FIP1L1: variants seen among roughly 807,000 people sequenced by gnomAD.
FIP1L1 encodes factor interacting with PAPOLA and CPSF1.
Under a neutral mutation model 84.6 loss-of-function variants are expected in FIP1L1, and 21 were observed. The observed-to-expected ratio is 0.25, with a 90% CI of 0.18 to 0.36. The LOEUF is 0.36. Among genes scored for constraint, FIP1L1 ranks in the 10% least tolerant of loss-of-function variants. The probability of loss-of-function intolerance (pLI) is 1.00; values close to 1 mark genes in which losing one functional copy is unlikely to be tolerated. For missense variants in FIP1L1, 526 were observed against 751.1 expected (o/e 0.70, Z 3.50); for synonymous variants, 263 against 242.3 (o/e 1.09, Z -0.80).
At position 53,412,056 on chromosome 4, in the gene FIP1L1, A is replaced by T. The variant is rs561484257; in HGVS notation, c.816-2559A>T. Among the ~76,000 whole-genome samples, 7 of 152,238 alleles carry T rather than the reference A, an allele frequency of 4.6e-5. No homozygotes were observed. In the East Asian group the frequency reaches 1.3e-3, roughly 29 times the overall value. ...TTGAAAAAAATAAAGTTTTATTTTG[A>T]AAAAAATTTAAACTTACAAAGAATT... On this transcript the variant is annotated intron_variant, in intron 10 of 17. Transcript: ENST00000337488.
At chr4:53,457,470 T>C (rs1412012323) in intron 16 of FIP1L1, among the ~76,000 whole-genome samples, 3 of 152,178 alleles carry the variant, frequency 2.0e-5, no homozygotes, top group Non-Finnish European at 4.4e-5. Flanking sequence ...TCTAAAATTT[T>C]AATGTATCAC....
intron 13 of FIP1L1, among the ~76,000 whole-genome samples, chr4:53,432,480 TATTTC>T (rs1469412451): frequency 6.6e-6 from 1 of 152,010 alleles, no homozygotes; most frequent in Non-Finnish European, 1.5e-5. Flanking sequence ...GAAAATCTGT[TATTTC>T]ATTTTCTCGT....
chr4:53,444,726 C>A (rs909178099), intron 15 of FIP1L1, among the ~76,000 whole-genome samples: 2 of 152,032 alleles, frequency 1.3e-5, no homozygotes, highest in African/African-American at 4.8e-5. Flanking sequence ...GGACTACAGG[C>A]GTGCATCACC....
intron 5 of FIP1L1, 26 bp from the exon 6 acceptor site, chr4:53,389,783 G>C: frequency 2.6e-6 from 4 of 1,528,070 alleles, no homozygotes; most frequent in Non-Finnish European, 3.6e-6. Context: ...GATAATTTCT[G>C]TTTTTTTTTG....
intron 15 of FIP1L1, among the ~76,000 whole-genome samples, chr4:53,450,963 CTTTTTT>C (rs869294352): frequency 1.4e-5 from 2 of 138,192 alleles, no homozygotes; most frequent in African/African-American, 5.3e-5. Flanking sequence ...TAAAGCTACT[CTTTTTT>C]TTTTTTTTTT....
intron 9 of FIP1L1, among the ~76,000 whole-genome samples, chr4:53,398,658 A>C (rs1748665734): frequency 6.6e-6 from 1 of 152,188 alleles, no homozygotes; most frequent in Non-Finnish European, 1.5e-5. Flanking sequence ...AGGAAACTTG[A>C]ATTTGTTTAA....
chr4:53,433,389 T>G (rs1483136965), intron 13 of FIP1L1, among the ~76,000 whole-genome samples: 1 of 152,208 alleles, frequency 6.6e-6, no homozygotes, highest in Non-Finnish European at 1.5e-5. Flanking sequence ...CATTTGTCTA[T>G]CTGTGTCTGA....
At position 53,447,300 on chromosome 4, in the gene FIP1L1, A is replaced by G. The variant is rs561093339; in HGVS notation, c.1285+3197A>G. Among the ~76,000 whole-genome samples, 38 of 151,910 alleles carry G rather than the reference A, an allele frequency of 2.5e-4. 3 individuals carry two copies. The highest frequency in any genetic ancestry group is 1.6e-3 in the Admixed American group (24 of 15,262). On this transcript the variant is annotated intron_variant, in intron 15 of 17. Transcript: ENST00000337488. Reference sequence around the variant, plus strand: ...CTCCCACCAATAAAATTATATTACTATTTTTGCTCCTCTTCTCATTTATAT... The same window carrying G: ...CTCCCACCAATAAAATTATATTACTGTTTTTGCTCCTCTTCTCATTTATAT...
chr4:53,444,627 G>A lies in FIP1L1; in HGVS notation c.1285+524G>A, dbSNP rs1579068019. On this transcript the variant is annotated intron_variant, in intron 15 of 17. Transcript: ENST00000337488. The stretch of plus-strand genomic sequence containing the variant: ...AATTTTTTTTTGGAGACAGAGTCTT[G>A]TCTGTTGCCTAGGCTGGCGTGCAGT... Among the ~76,000 whole-genome samples the A allele has an allele frequency of 2.0e-5, 3 of 152,056 alleles. No homozygotes were observed. In the South Asian group the frequency reaches 6.2e-4, roughly 32 times the overall value.
intron 13 of FIP1L1, among the ~76,000 whole-genome samples, chr4:53,435,524 T>C (rs1768744416): frequency 6.6e-6 from 1 of 152,224 alleles, no homozygotes; most frequent in African/African-American, 2.4e-5. Context: ...GTTTATCTTC[T>C]GTAGGCTTTA....
chr4:53,435,338 A>G (rs1461376842), intron 13 of FIP1L1, among the ~76,000 whole-genome samples: 1 of 152,186 alleles, frequency 6.6e-6, no homozygotes, highest in African/African-American at 2.4e-5. Flanking sequence ...CATTTTGAAT[A>G]CATCATTGAC....
chr4:53,439,897 G>A (rs926397181), intron 13 of FIP1L1, among the ~76,000 whole-genome samples: 1 of 151,912 alleles, frequency 6.6e-6, no homozygotes, highest in South Asian at 2.1e-4. Flanking sequence ...AATATACATA[G>A]TTTATTCCTC....
intron 9 of FIP1L1, among the ~76,000 whole-genome samples, chr4:53,395,869 A>T (rs1460905287): frequency 1.3e-5 from 2 of 152,104 alleles, no homozygotes; most frequent in South Asian, 2.1e-4. Flanking sequence ...CATCTTGTGG[A>T]TATAGATATC....
Position 53,460,201 on chromosome 4 carries a change from A to G in FIP1L1, c.*752A>G, listed in dbSNP as rs1345224950. ...CTTCTTGATGCATTTTCCAAGGCCC[A>G]CTGGTGGAGCAGCATGAGTTTTTAT... On this transcript the variant is annotated 3_prime_UTR_variant, in exon 18 of 18. Coordinates refer to ENST00000337488, the MANE Select transcript of FIP1L1 (RefSeq NM_030917.4). 5.1e-6 allele frequency: 1 copy of G among 195,860 alleles called. No individual in the cohort carries two copies. Among genetic ancestry groups the G allele is most frequent in the Non-Finnish European group, 1.1e-5 (1 of 94,368 alleles). 12.1% of individuals were successfully genotyped at this position (195,860 alleles called of 1,614,324 possible). A position where few individuals can be genotyped will look rare whatever the true frequency, so the allele number is the denominator to read the frequency against.
chr4:53,423,300 A>G (rs1763102326), intron 11 of FIP1L1, among the ~76,000 whole-genome samples: 1 of 152,180 alleles, frequency 6.6e-6, no homozygotes, highest in Non-Finnish European at 1.5e-5. Flanking sequence ...GTTGAGTCCA[A>G]TATGGAGAAG....
intron 1 of FIP1L1, chr4:53,378,231 C>T: frequency 3.3e-6 from 1 of 304,870 alleles, no homozygotes; most frequent in Non-Finnish European, 6.0e-6. Context: ...AGCTGCTGCG[C>T]TCTTTACCCT....
rs1320939533 is a variant in FIP1L1, at chr4:53,449,774, A to C, written c.1286-3146A>C. ...TTTAAATTACTGATTTAATGTCTTT[A>C]ATAGTTATTAGACTCTTCAAGATTT... On this transcript the variant is annotated intron_variant, in intron 15 of 17. Transcript: ENST00000337488. Among the ~76,000 whole-genome samples the C allele has an allele frequency of 1.2e-4, 19 of 152,162 alleles. 1 individual carries two copies. Among genetic ancestry groups the C allele is most frequent in the Admixed American group, 1.2e-3 (19 of 15,280 alleles).
intron 15 of FIP1L1, among the ~76,000 whole-genome samples, chr4:53,449,864 G>A (rs1011077004): frequency 6.6e-6 from 1 of 152,100 alleles, no homozygotes; most frequent in Non-Finnish European, 1.5e-5. Flanking sequence ...TTTCGGCTAA[G>A]TTTTTAAGTG....
intron 11 of FIP1L1, among the ~76,000 whole-genome samples, chr4:53,416,659 A>C (rs1759629903): frequency 6.6e-6 from 1 of 152,182 alleles, no homozygotes; most frequent in African/African-American, 2.4e-5. Flanking sequence ...TTTCATAGAC[A>C]AAGGCATAGA....
Sources: allele counts gnomAD v4.1 joint callset (sites outside exome capture counted in the v4.1 genomes callset), GRCh38; gene constraint gnomAD v4.1.1; transcripts MANE v1.5; gene names NCBI Gene and HGNC (gene_info 2026-07-23, HGNC 2026-07-21).